Variants in HIP1 observed in about 807,000 individuals in gnomAD.
HIP1 encodes the protein huntingtin-interacting protein 1.
HIP1 carries 65 observed loss-of-function variants against 147.6 expected under a neutral mutation model. The ratio of observed to expected loss-of-function variants is 0.44; its 90% confidence interval spans 0.36 to 0.54. HIP1 has a LOEUF of 0.54. Ranked by LOEUF, HIP1 falls within the 20% of genes least tolerant of loss-of-function variation. The probability of loss-of-function intolerance (pLI) is 0.00; values close to 1 mark genes in which losing one functional copy is unlikely to be tolerated. For synonymous variants in HIP1, 479 were observed against 504.0 expected (o/e 0.95, Z 0.67); for missense variants, 1,061 against 1,299.6 (o/e 0.82, Z 2.82).
At chr7:75,620,927 T>A (rs1482761812) in intron 1 of HIP1, among the ~76,000 whole-genome samples, 1 of 151,878 alleles carries the variant, frequency 6.6e-6, no homozygotes, top group Non-Finnish European at 1.5e-5. Context: ...GACAGAGGGA[T>A]ACAGACTTTA....
intron 1 of HIP1, among the ~76,000 whole-genome samples, chr7:75,613,960 G>A (rs1437922702): frequency 6.6e-6 from 1 of 151,162 alleles, no homozygotes; most frequent in South Asian, 2.1e-4. Context: ...TGTTGCCCAG[G>A]CTGGAGTACA....
intron 1 of HIP1, among the ~76,000 whole-genome samples, chr7:75,726,675 A>AT (rs1419538695): frequency 2.0e-5 from 3 of 149,380 alleles, no homozygotes; most frequent in African/African-American, 7.4e-5. Context: ...CCTGATGGGC[A>AT]TGTAGAGGTA....
intron 1 of HIP1, among the ~76,000 whole-genome samples, chr7:75,607,414 A>G (rs1473117249): frequency 6.6e-6 from 1 of 150,600 alleles, no homozygotes; most frequent in Non-Finnish European, 1.5e-5. Context: ...TTTTTAGTAG[A>G]GATGGGATTT....
rs781910703 is a variant in HIP1, at chr7:75,563,181, T to C, written c.879+7A>G. The C allele has an allele frequency of 6.2e-7, 1 of 1,614,186 alleles. No homozygotes were observed. The highest frequency in any genetic ancestry group is 2.2e-5 in the East Asian group (1 of 44,884). ...AGTGCCGAGGGTGTGTGGTTGGGCA[T>C]GCTTACCTCAGGCAGCTGGGGGATC... On this transcript the variant is annotated splice_region_variant and intron_variant, in intron 10 of 30. Coordinates refer to ENST00000336926, the MANE Select transcript of HIP1 (RefSeq NM_005338.7).
chr7:75,581,716 C>T (rs1197335328), intron 6 of HIP1, among the ~76,000 whole-genome samples: 3 of 152,052 alleles, frequency 2.0e-5, no homozygotes, highest in Non-Finnish European at 2.9e-5. Flanking sequence ...GAGGTGGAGG[C>T]TGCAGTAAGC....
chr7:75,559,769 G>T lies in HIP1; in HGVS notation c.1338C>A (p.Asp446Glu), dbSNP rs1222246831. 1.2e-6 allele frequency: 2 copies of T among 1,606,942 alleles called. No homozygotes were observed. The highest frequency in any genetic ancestry group is 2.2e-5 in the East Asian group (1 of 44,604). Residue 446 changes from aspartate (D) to glutamate (E), a missense_variant, in exon 14 of 31, where the codon GAC (aspartate) becomes GAA (glutamate). By Grantham distance (45) the Asp-to-Glu change is conservative. Transcript: ENST00000336926. ...ACAGGCTCCGCTGAGCCTTCTCGGTGTCCTCCCGCTGCCTCCTGAGCTCGT... is the reference window on the plus strand; with the variant it reads ...ACAGGCTCCGCTGAGCCTTCTCGGTTTCCTCCCGCTGCCTCCTGAGCTCGT... ...ELDELRRQRE[D>E]TEKAQRSLSE...
Position 75,601,936 on chromosome 7 carries a change from TA to T in HIP1, c.121-2690del, listed in dbSNP as rs71519372. ...TTTGAACTTTTCTATAATGAAAGGT[TA>T]AAAAAAAAAACTTTGACCCAGTAAT... On this transcript the variant is annotated intron_variant, in intron 1 of 30. Coordinates refer to ENST00000336926, the MANE Select transcript of HIP1 (RefSeq NM_005338.7). 1.1e-3 allele frequency among the ~76,000 whole-genome samples: 155 copies of T among 145,762 alleles called. No individual in the cohort carries two copies. The East Asian group carries it at 0.021, about 20-fold the overall frequency.
intron 1 of HIP1, among the ~76,000 whole-genome samples, chr7:75,711,686 G>A (rs891657625): frequency 6.6e-6 from 1 of 152,198 alleles, no homozygotes; most frequent in Non-Finnish European, 1.5e-5. Context: ...AGGGGAAGCC[G>A]TCTGGCTCCA....
chr7:75,563,144 T>C (rs369867038), intron 10 of HIP1, 44 bp downstream of exon 10: 9 of 1,613,302 alleles, frequency 5.6e-6, no homozygotes, highest in Non-Finnish European at 5.1e-6. Flanking sequence ...AGAGAGTACC[T>C]GGGGCCTCTG....
At chr7:75,610,298 G>A (rs587743400) in intron 1 of HIP1, among the ~76,000 whole-genome samples, 72 of 148,604 alleles carry the variant, frequency 4.8e-4, no homozygotes, top group African/African-American at 1.8e-3. Flanking sequence ...AGCCTTGAAC[G>A]CCTGTGCTCA....
At chr7:75,545,936 T>C (rs1794545665) in intron 25 of HIP1, among the ~76,000 whole-genome samples, 2 of 152,028 alleles carry the variant, frequency 1.3e-5, no homozygotes, top group Non-Finnish European at 2.9e-5. Flanking sequence ...CGAGACTCAG[T>C]CTCAAAAACA....
chr7:75,676,615 A>G (rs1405063662), intron 1 of HIP1, among the ~76,000 whole-genome samples: 4 of 151,772 alleles, frequency 2.6e-5, no homozygotes, highest in Non-Finnish European at 4.4e-5. Flanking sequence ...CGTCTCTACT[A>G]AAAACACAAA....
At chr7:75,547,547 C>A (rs587622279) in intron 24 of HIP1, among the ~76,000 whole-genome samples, 1 of 152,250 alleles carries the variant, frequency 6.6e-6, no homozygotes, top group Admixed American at 6.5e-5. Flanking sequence ...GGATTACAGG[C>A]GGGAGCTACC....
chr7:75,677,168 C>T (rs1250223729), intron 1 of HIP1, among the ~76,000 whole-genome samples: 7 of 151,648 alleles, frequency 4.6e-5, no homozygotes, highest in African/African-American at 1.5e-4. Flanking sequence ...GCACTCCAGT[C>T]TGGGGGACAA....
intron 2 of HIP1, among the ~76,000 whole-genome samples, chr7:75,596,999 T>C (rs879990854): frequency 1.3e-5 from 2 of 152,230 alleles, no homozygotes; most frequent in African/African-American, 4.8e-5. Flanking sequence ...GGCTGAGTCA[T>C]TTCCTCTGAG....
intron 1 of HIP1, among the ~76,000 whole-genome samples, chr7:75,688,971 G>C (rs1249659161): frequency 2.0e-5 from 3 of 152,154 alleles, no homozygotes; most frequent in Non-Finnish European, 4.4e-5. Context: ...CCTCTGGGCA[G>C]CCTGCCGGCA....
At chr7:75,681,019 G>T (rs371868947) in intron 1 of HIP1, among the ~76,000 whole-genome samples, 6 of 151,954 alleles carry the variant, frequency 3.9e-5, no homozygotes, top group African/African-American at 1.2e-4. Context: ...CTCCTGATCC[G>T]CCCACCTCGG....
intron 1 of HIP1, among the ~76,000 whole-genome samples, chr7:75,633,715 G>C (rs587620316): frequency 6.6e-6 from 1 of 152,070 alleles, no homozygotes; most frequent in African/African-American, 2.4e-5. Flanking sequence ...TTTGCACAGC[G>C]ATCTCTCCAG....
chr7:75,730,734 ATTT>A (rs782732504), intron 1 of HIP1, among the ~76,000 whole-genome samples: 1 of 138,998 alleles, frequency 7.2e-6, no homozygotes, highest in Non-Finnish European at 1.6e-5. Flanking sequence ...GTGGGCAGTA[ATTT>A]TTTTTTTTTT....
Sources: gnomAD v4.1 joint callset for allele counts (sites outside exome capture counted in the v4.1 genomes callset) on GRCh38, gnomAD v4.1.1 for gene constraint, MANE v1.5 for transcripts, NCBI Gene and HGNC (gene_info 2026-07-23, HGNC 2026-07-21) for gene names.